The following CDH13 variants were observed in gnomAD, a reference collection of about 807,000 sequenced individuals.
CDH13 encodes the protein cadherin-13.
A neutral mutation model predicts 63.8 loss-of-function variants in CDH13; 24 were observed. The observed-to-expected ratio is 0.38, with a 90% CI of 0.27 to 0.53. The LOEUF (loss-of-function observed/expected upper bound fraction) is 0.53. CDH13 is among the 20% of genes least tolerant of loss of function. CDH13 has a pLI of 0.85. For missense variants in CDH13, 1,049 were observed against 903.1 expected (o/e 1.16, Z -2.07); for synonymous variants, 503 against 355.3 (o/e 1.42, Z -4.67).
intron 9 of CDH13, among the ~76,000 whole-genome samples, chr16:83,673,369 C>T (rs776916123): frequency 4.6e-5 from 7 of 152,150 alleles, no homozygotes; most frequent in East Asian, 3.9e-4. Flanking sequence ...AAATCATCCC[C>T]GCTCAGGAGT....
chr16:82,791,338 C>T (rs1339825336), intron 1 of CDH13, among the ~76,000 whole-genome samples: 1 of 151,810 alleles, frequency 6.6e-6, no homozygotes, highest in Non-Finnish European at 1.5e-5. Context: ...CCCAACAAAT[C>T]AGGTTGTAAA....
At chr16:83,288,464 A>G (rs1201655961) in intron 5 of CDH13, among the ~76,000 whole-genome samples, 2 of 152,206 alleles carry the variant, frequency 1.3e-5, no homozygotes, top group African/African-American at 4.8e-5. Flanking sequence ...GGTGGAGGAT[A>G]TGAGAGGCTG....
intron 4 of CDH13, among the ~76,000 whole-genome samples, chr16:83,170,237 A>C (rs2037861533): frequency 6.6e-6 from 1 of 152,042 alleles, no homozygotes; most frequent in Admixed American, 6.6e-5. Context: ...GAACTGCCTT[A>C]ATTATTTTTT....
At chr16:83,027,389 G>C (rs1440391033) in intron 2 of CDH13, among the ~76,000 whole-genome samples, 1 of 152,182 alleles carries the variant, frequency 6.6e-6, no homozygotes, top group African/African-American at 2.4e-5. Context: ...GAAGTTGCTT[G>C]AGTTGAATCT....
chr16:83,495,785 G>A (rs1030903888), intron 7 of CDH13, among the ~76,000 whole-genome samples: 4 of 152,162 alleles, frequency 2.6e-5, no homozygotes, highest in East Asian at 1.9e-4. Flanking sequence ...TTCCCCAGAT[G>A]TCTTAGATAG....
intron 5 of CDH13, among the ~76,000 whole-genome samples, chr16:83,254,975 C>CAGCGCTCCTCATGCA (rs1906061504): frequency 5.3e-5 from 1 of 18,750 alleles, no homozygotes; most frequent in African/African-American, 1.2e-4. Context: ...TTCTTTCTTT[C>CAGCGCTCCTCATGCA]TTTCTTTCTT....
At chr16:83,687,770 C>T (rs897867235) in intron 10 of CDH13, among the ~76,000 whole-genome samples, 4 of 152,224 alleles carry the variant, frequency 2.6e-5, no homozygotes, top group Admixed American at 2.6e-4. Context: ...TCTCACAGAA[C>T]TTTCCAAGTC....
chr16:83,212,644 A>C lies in CDH13; in HGVS notation c.484-4701A>C, dbSNP rs187577032. 2.9e-3 allele frequency among the ~76,000 whole-genome samples: 437 copies of C among 152,348 alleles called. 3 individuals are homozygous for C. The highest frequency in any genetic ancestry group is 7.6e-3 in the Admixed American group (116 of 15,300). On this transcript the variant is annotated intron_variant, in intron 4 of 13. Transcript: ENST00000567109. ...AGCCTATTTTTAGCAGAGGGCTCCAAACAGTAGCGGTGGAAACCAGCATCA... is the reference window on the plus strand; with the variant it reads ...AGCCTATTTTTAGCAGAGGGCTCCACACAGTAGCGGTGGAAACCAGCATCA...
intron 1 of CDH13, among the ~76,000 whole-genome samples, chr16:82,760,218 T>G (rs1375067029): frequency 6.6e-6 from 1 of 152,152 alleles, no homozygotes; most frequent in Non-Finnish European, 1.5e-5. Flanking sequence ...CCCGGCTCAT[T>G]GCGGGTACTT....
At chr16:83,162,227 A>G (rs1378178718) in intron 4 of CDH13, among the ~76,000 whole-genome samples, 2 of 152,132 alleles carry the variant, frequency 1.3e-5, no homozygotes, top group Non-Finnish European at 2.9e-5. Flanking sequence ...AGGACCAGGC[A>G]CTGACTAGAA....
chr16:82,705,049 TTTA>T (rs1290373805), intron 1 of CDH13: 1 of 427,580 alleles, frequency 2.3e-6, no homozygotes, highest in Non-Finnish European at 4.6e-6. Flanking sequence ...GTTTCTTCTT[TTTA>T]TTCTTGTAGA....
At chr16:83,634,593 G>T (rs1006752461) in intron 8 of CDH13, among the ~76,000 whole-genome samples, 2 of 151,934 alleles carry the variant, frequency 1.3e-5, no homozygotes, top group African/African-American at 4.8e-5. Context: ...TAGAGACAGG[G>T]TTTCACCATG....
At chr16:83,569,261 C>A (rs566206840) in intron 7 of CDH13, among the ~76,000 whole-genome samples, 139 of 152,238 alleles carry the variant, frequency 9.1e-4, no homozygotes, top group African/African-American at 2.8e-3. Context: ...ACCAAACCTC[C>A]CCTCCCTCTC....
chr16:83,120,694 AAACC>A lies in CDH13; in HGVS notation c.367-4687_367-4684del, dbSNP rs1344297581. ...ATTTCCTATTTTTGCCACCCTTAAC[AAACC>A]AACAGAATCTTCATAGATGTTAAAT... On this transcript the variant is annotated intron_variant, in intron 3 of 13. Coordinates refer to ENST00000567109, the MANE Select transcript of CDH13 (RefSeq NM_001257.5). 4.6e-5 allele frequency among the ~76,000 whole-genome samples: 7 copies of A among 152,168 alleles called. No individual in the cohort carries two copies. In the East Asian group the frequency reaches 7.7e-4, roughly 17 times the overall value.
intron 1 of CDH13, among the ~76,000 whole-genome samples, chr16:82,797,602 C>T (rs1269765234): frequency 1.3e-5 from 2 of 152,126 alleles, no homozygotes; most frequent in African/African-American, 2.4e-5. Flanking sequence ...AAAGAGACTT[C>T]CTCCACTCCA....
At chr16:83,512,181 C>G (rs930087482) in intron 7 of CDH13, among the ~76,000 whole-genome samples, 1 of 150,982 alleles carries the variant, frequency 6.6e-6, no homozygotes, top group African/African-American at 2.4e-5. Context: ...ATTAGCCAGA[C>G]ATGGTGGCGG....
chr16:83,543,402 A>G (rs932721862), intron 7 of CDH13, among the ~76,000 whole-genome samples: 1 of 152,202 alleles, frequency 6.6e-6, no homozygotes, highest in Non-Finnish European at 1.5e-5. Context: ...GAAATTAACA[A>G]TCTACAAAAT....
intron 3 of CDH13, among the ~76,000 whole-genome samples, chr16:83,039,862 C>G (rs1018342255): frequency 6.6e-6 from 1 of 152,160 alleles, no homozygotes; most frequent in Non-Finnish European, 1.5e-5. Flanking sequence ...GAGGTTCCAC[C>G]TACCCTATGG....
chr16:83,419,189 G>A (rs193108429), intron 6 of CDH13, among the ~76,000 whole-genome samples: 7 of 152,050 alleles, frequency 4.6e-5, no homozygotes, highest in Non-Finnish European at 7.4e-5. Flanking sequence ...CATCCCTATC[G>A]TGCCCCCTGC....
Sources: gnomAD v4.1 joint callset for allele counts (sites outside exome capture counted in the v4.1 genomes callset) on GRCh38, gnomAD v4.1.1 for gene constraint, MANE v1.5 for transcripts, NCBI Gene and HGNC (gene_info 2026-07-23, HGNC 2026-07-21) for gene names.